PEAK1: variants seen among roughly 807,000 people sequenced by gnomAD.
PEAK1 encodes pseudopodium enriched atypical kinase 1.
A neutral mutation model predicts 124.7 loss-of-function variants in PEAK1; 54 were observed. That is an observed-to-expected ratio of 0.43 (90% confidence interval 0.35 to 0.54). PEAK1 has a LOEUF of 0.54. Among genes scored for constraint, PEAK1 ranks in the 20% least tolerant of loss-of-function variants. The pLI is 0.01. For synonymous variants in PEAK1, 719 were observed against 760.0 expected (o/e 0.95, Z 0.89); for missense variants, 2,046 against 2,134.5 (o/e 0.96, Z 0.82).
chr15:77,368,958 A>G (rs1448855783), intron 1 of PEAK1, among the ~76,000 whole-genome samples: 1 of 152,206 alleles, frequency 6.6e-6, no homozygotes, highest in African/African-American at 2.4e-5. Context: ...ACTGAAATTA[A>G]ATCACTATGT....
intron 2 of PEAK1, among the ~76,000 whole-genome samples, chr15:77,330,001 C>T (rs1314364617): frequency 6.6e-6 from 1 of 151,624 alleles, no homozygotes; most frequent in Admixed American, 6.6e-5. Context: ...GAAGTGACTA[C>T]CTAATATTAA....
intron 2 of PEAK1, chr15:77,355,933 T>G (rs1195525518): frequency 8.1e-6 from 8 of 985,390 alleles, no homozygotes; most frequent in Non-Finnish European, 7.2e-6. Context: ...GTGTGTGGAA[T>G]GGTGGCTTAG....
intron 6 of PEAK1, among the ~76,000 whole-genome samples, chr15:77,238,037 G>T (rs1455678825): frequency 6.6e-6 from 1 of 152,006 alleles, no homozygotes; most frequent in African/African-American, 2.4e-5. Context: ...TATAGCTTCT[G>T]TATTTTCTTT....
At chr15:77,237,019 C>T (rs192270059) in intron 6 of PEAK1, among the ~76,000 whole-genome samples, 20 of 152,224 alleles carry the variant, frequency 1.3e-4, no homozygotes, top group Admixed American at 1.1e-3. Flanking sequence ...AATCTCTTTC[C>T]TTTATAAATT....
chr15:77,381,408 A>G, intron 1 of PEAK1: 1 of 890,048 alleles, frequency 1.1e-6, no homozygotes. Context: ...TTTGGGCAAC[A>G]TAGTGAGACC....
At chr15:77,403,468 C>G in intron 1 of PEAK1, 1 of 935,126 alleles carries the variant, frequency 1.1e-6, no homozygotes, top group Non-Finnish European at 1.3e-6. Flanking sequence ...AAAGAGTTCT[C>G]ATATTCCAGT....
At chr15:77,394,498 A>C (rs1440974597) in intron 1 of PEAK1, among the ~76,000 whole-genome samples, 1 of 152,124 alleles carries the variant, frequency 6.6e-6, no homozygotes, top group African/African-American at 2.4e-5. Context: ...TAACCCAGAG[A>C]CTTCTTCTGG....
chr15:77,239,848 C>G, intron 6 of PEAK1: 1 of 985,166 alleles, frequency 1.0e-6, no homozygotes, highest in Non-Finnish European at 1.2e-6. Context: ...GGAAATCACA[C>G]AACTGCTCAA....
chr15:77,174,164 A>G (rs1244590256), intron 7 of PEAK1, among the ~76,000 whole-genome samples: 1 of 152,172 alleles, frequency 6.6e-6, no homozygotes, highest in Non-Finnish European at 1.5e-5. Flanking sequence ...CACTCAATTT[A>G]TATTTCCTAA....
chr15:77,322,182 A>T (rs902487876), intron 2 of PEAK1, among the ~76,000 whole-genome samples: 3 of 152,250 alleles, frequency 2.0e-5, no homozygotes, highest in African/African-American at 7.2e-5. Context: ...AGCAGGAAAG[A>T]TCTAAAATTG....
intron 1 of PEAK1, among the ~76,000 whole-genome samples, chr15:77,408,082 C>G (rs62007280): frequency 6.9e-6 from 1 of 145,832 alleles, no homozygotes; most frequent in African/African-American, 2.5e-5. Context: ...TACATATATA[C>G]ACATATATAC....
intron 6 of PEAK1, among the ~76,000 whole-genome samples, chr15:77,205,352 G>A (rs2058588216): frequency 6.6e-6 from 1 of 151,710 alleles, no homozygotes. Context: ...TTGAGTTATG[G>A]GAGGCTCTGA....
chr15:77,269,465 T>C (rs976318584), intron 5 of PEAK1, among the ~76,000 whole-genome samples: 5 of 152,168 alleles, frequency 3.3e-5, no homozygotes, highest in African/African-American at 1.2e-4. Flanking sequence ...AACAGGAAAG[T>C]ATCACAATCC....
chr15:77,127,165 C>G (rs2052448089), intron 9 of PEAK1, among the ~76,000 whole-genome samples: 1 of 152,242 alleles, frequency 6.6e-6, no homozygotes, highest in Non-Finnish European at 1.5e-5. Flanking sequence ...CTCTCTCTCC[C>G]TGTCATGTAA....
At chr15:77,296,736 C>A (rs1468588267) in intron 2 of PEAK1, among the ~76,000 whole-genome samples, 1 of 151,436 alleles carries the variant, frequency 6.6e-6, no homozygotes, top group Non-Finnish European at 1.5e-5. Flanking sequence ...TATCCTAGGG[C>A]AGATTATTAA....
Position 77,114,387 on chromosome 15 carries a change from G to A in PEAK1, c.5010C>T (p.Pro1670=), listed in dbSNP as rs949973259. ...KGILQCLLWG[P]REDLFQTFTA... ...TGAAAGTCTGGAAGAGATCTTCGCGGGGGCCCCAGAGCAGACACTGGAGGA... is the reference window on the plus strand; with the variant it reads ...TGAAAGTCTGGAAGAGATCTTCGCGAGGGCCCCAGAGCAGACACTGGAGGA... Residue 1670 remains proline (P), a synonymous_variant, in exon 10 of 10, where the codon CCC becomes CCT. Transcript: ENST00000682557. 3.3e-5 allele frequency: 53 copies of A among 1,614,078 alleles called. No homozygotes were observed. The highest frequency in any genetic ancestry group is 4.5e-5 in the Non-Finnish European group (53 of 1,180,048).
intron 1 of PEAK1, among the ~76,000 whole-genome samples, chr15:77,398,975 C>T (rs186192109): frequency 4.0e-5 from 6 of 151,434 alleles, no homozygotes; most frequent in African/African-American, 1.5e-4. Flanking sequence ...AGCAAAAAAT[C>T]TGAAAAAAAA....
chr15:77,146,931 C>T (rs2054217294), intron 8 of PEAK1, among the ~76,000 whole-genome samples: 1 of 152,122 alleles, frequency 6.6e-6, no homozygotes, highest in Non-Finnish European at 1.5e-5. Flanking sequence ...TATATCCACC[C>T]CGTAAAATTT....
At chr15:77,402,534 A>G in intron 1 of PEAK1, 2 of 972,242 alleles carry the variant, frequency 2.1e-6, no homozygotes, top group Non-Finnish European at 2.4e-6. Context: ...TGTGAAGAAA[A>G]AGAAAAAATC....
Sources: allele counts gnomAD v4.1 joint callset (sites outside exome capture counted in the v4.1 genomes callset), GRCh38; gene constraint gnomAD v4.1.1; transcripts MANE v1.5; gene names NCBI Gene and HGNC (gene_info 2026-07-23, HGNC 2026-07-21).